Variants in FAT1 observed in about 807,000 individuals in gnomAD.
FAT1 encodes the protein protocadherin Fat 1.
In FAT1, 171 loss-of-function variants were observed where a neutral mutation model predicts 329.8. That is an observed-to-expected ratio of 0.52 (90% CI 0.46 to 0.59). The LOEUF (loss-of-function observed/expected upper bound fraction) is 0.59. Among genes scored for constraint, FAT1 ranks in the 20% least tolerant of loss-of-function variants. FAT1 has a pLI of 0.00. For synonymous variants in FAT1, 2,233 were observed against 2,228.6 expected, an observed-to-expected ratio of 1.00 and a Z score of -0.06; for missense variants, 5,672 against 5,774.4, an observed-to-expected ratio of 0.98 and a Z score of 0.57.
rs2126690749 is a variant in FAT1, at chr4:186,707,704, A to G, written c.2124T>C (p.Ser708=). The G allele has an allele frequency of 6.2e-7, 1 of 1,613,966 alleles. No homozygotes were observed. The highest frequency in any genetic ancestry group is 8.5e-7 in the Non-Finnish European group (1 of 1,179,890). ...TAAACTGCGGTATGTGAGCATTGAC[A>G]GAGTGAGAATCGAAGAAAATATCCT... The part of the protein sequence containing the change: ...EVEDIFFDSH[S]VNAHIPQFRS... Residue 708 remains serine, a synonymous_variant, in exon 2 of 27, where the codon TCT becomes TCC. Coordinates refer to ENST00000441802, the MANE Select transcript of FAT1 (RefSeq NM_005245.4).
At chr4:186,590,115 C>G (rs1471434797) in intron 26 of FAT1, among the ~76,000 whole-genome samples, 1 of 151,044 alleles carries the variant, frequency 6.6e-6, no homozygotes, top group Non-Finnish European at 1.5e-5. Context: ...TATAAAGCAC[C>G]ACTATTTTAA....
chr4:186,661,106 T>G (rs1218960277), intron 3 of FAT1, among the ~76,000 whole-genome samples: 1 of 152,220 alleles, frequency 6.6e-6, no homozygotes, highest in Non-Finnish European at 1.5e-5. Flanking sequence ...ACCTGAGATA[T>G]GACATATACG....
intron 2 of FAT1, among the ~76,000 whole-genome samples, chr4:186,693,626 A>G (rs1419888300): frequency 9.5e-6 from 1 of 104,918 alleles, no homozygotes; most frequent in Admixed American, 8.7e-5. Context: ...CGTGGAAAAC[A>G]GCCAAGGAAA....
chr4:186,657,971 C>T (rs1741982863), intron 3 of FAT1, among the ~76,000 whole-genome samples: 1 of 152,166 alleles, frequency 6.6e-6, no homozygotes. Flanking sequence ...CTGTCCTTGA[C>T]ACACCACAAA....
intron 9 of FAT1, among the ~76,000 whole-genome samples, chr4:186,627,166 G>T (rs1158207082): frequency 1.2e-5 from 1 of 85,376 alleles, no homozygotes; most frequent in Non-Finnish European, 2.4e-5. Flanking sequence ...CCCACAGAAT[G>T]AATGAATGAA....
intron 2 of FAT1, among the ~76,000 whole-genome samples, chr4:186,682,757 G>A (rs1474773651): frequency 6.6e-6 from 1 of 152,214 alleles, no homozygotes; most frequent in African/African-American, 2.4e-5. Context: ...AGGCAGCCCG[G>A]CAGATCAGAG....
intron 2 of FAT1, among the ~76,000 whole-genome samples, chr4:186,685,746 T>C (rs1279900101): frequency 6.6e-6 from 1 of 152,240 alleles, no homozygotes. Flanking sequence ...AAGAGACTCG[T>C]ATTCCCTTCA....
chr4:186,588,475 G>A lies in FAT1; in HGVS notation c.*117C>T. On this transcript the variant is annotated 3_prime_UTR_variant, in exon 27 of 27. Transcript: ENST00000441802. ...GTCCAGAGGCGCAGGATCCAGCGCA[G>A]CCATGCCCATTCGGCTCACCAAAAA... The A allele has an allele frequency of 8.0e-7, 1 of 1,250,882 alleles. No individual in the cohort carries two copies. Among genetic ancestry groups the A allele is most frequent in the East Asian group, 2.5e-5 (1 of 40,452 alleles). 77.5% of individuals were successfully genotyped at this position (1,250,882 alleles called of 1,614,324 possible).
At chr4:186,710,221 C>T (rs1227668102) in intron 1 of FAT1, among the ~76,000 whole-genome samples, 1 of 152,114 alleles carries the variant, frequency 6.6e-6, no homozygotes, top group East Asian at 1.9e-4. Flanking sequence ...ACATTGTTTA[C>T]ATTTACTTAC....
At chr4:186,722,894 CAA>C (rs61515271) in intron 1 of FAT1, among the ~76,000 whole-genome samples, 1 of 145,954 alleles carries the variant, frequency 6.9e-6, no homozygotes, top group African/African-American at 2.5e-5. Context: ...ACAGTTCAGA[CAA>C]AAAAAAAAAC....
chr4:186,678,717 G>A (rs1579435828), intron 2 of FAT1, among the ~76,000 whole-genome samples: 2 of 151,708 alleles, frequency 1.3e-5, no homozygotes, highest in Non-Finnish European at 2.9e-5. Context: ...AGGCTGCGGA[G>A]AAACAGGAAC....
intron 16 of FAT1, among the ~76,000 whole-genome samples, chr4:186,607,238 C>G (rs1190823164): frequency 6.6e-6 from 1 of 152,086 alleles, no homozygotes; most frequent in Non-Finnish European, 1.5e-5. Flanking sequence ...TTCTCATTCC[C>G]AAATCGAAGG....
At chr4:186,642,377 C>T (rs184432364) in intron 3 of FAT1, among the ~76,000 whole-genome samples, 267 of 152,318 alleles carry the variant, frequency 1.8e-3, no homozygotes, top group Admixed American at 3.9e-3. Flanking sequence ...GGAAAACTCA[C>T]GAGGACAGTG....
intron 1 of FAT1, among the ~76,000 whole-genome samples, chr4:186,710,643 ATG>A (rs1744905192): frequency 6.6e-6 from 1 of 152,184 alleles, no homozygotes; most frequent in Non-Finnish European, 1.5e-5. Context: ...AACTATATCA[ATG>A]TTTTATCACC....
At position 186,588,037 on chromosome 4, in the gene FAT1, T is replaced by C. The variant is rs759930862; in HGVS notation, c.*555A>G. ...CATGTATCTGATCTCTCCTTCATCC[T>C]ATGTACAGCTAGAAATGAATGACTA... On this transcript the variant is annotated 3_prime_UTR_variant, in exon 27 of 27. Coordinates refer to ENST00000441802, the MANE Select transcript of FAT1 (RefSeq NM_005245.4). 5.5e-5 allele frequency: 12 copies of C among 217,156 alleles called. 1 individual carries two copies. The highest frequency in any genetic ancestry group is 9.3e-5 in the Non-Finnish European group (10 of 107,904). The allele number at this position is 217,156 out of a possible 1,614,324, so 13.5% of individuals were successfully genotyped here.
At chr4:186,676,085 AG>A (rs1404904490) in intron 2 of FAT1, among the ~76,000 whole-genome samples, 1 of 152,108 alleles carries the variant, frequency 6.6e-6, no homozygotes, top group Non-Finnish European at 1.5e-5. Context: ...GAGGAAAAGA[AG>A]GGCACCTGTT....
upstream of FAT1, among the ~76,000 whole-genome samples, chr4:186,725,389 C>T (rs1053562061): frequency 4.6e-5 from 7 of 151,984 alleles, no homozygotes; most frequent in African/African-American, 1.7e-4. This position sits in a 1 kb window ranked among gnomAD's most constrained non-coding sequence, Gnocchi z 5.4. Context: ...CATTCCCTGA[C>T]GTAAAATCAC....
At chr4:186,662,961 G>C (rs941391556) in intron 3 of FAT1, among the ~76,000 whole-genome samples, 1 of 151,868 alleles carries the variant, frequency 6.6e-6, no homozygotes, top group Non-Finnish European at 1.5e-5. Context: ...CTCAGCCTCT[G>C]GAGTAGCTGG....
rs766127588 is a variant in FAT1, at chr4:186,611,591, C to T, written c.9648G>A (p.Val3216=). The change falls in exon 14 of 27, where the codon GTG becomes GTA. Residue 3216 remains valine, a synonymous_variant. Transcript: ENST00000441802. ...CATTTATGTCAAGAACTGATACAAT[C>T]ACAGTGCCAGTGGCAGTCAGCCTCC... ...LPRRLTATGT[V]IVSVLDINDN... 6.2e-7 allele frequency: 1 copy of T among 1,613,752 alleles called. No individual in the cohort carries two copies. The highest frequency in any genetic ancestry group is 2.2e-5 in the East Asian group (1 of 44,866).
Sources: allele counts gnomAD v4.1 joint callset (sites outside exome capture counted in the v4.1 genomes callset), GRCh38; gene constraint gnomAD v4.1.1; non-coding constraint Gnocchi (gnomAD v3.1); transcripts MANE v1.5; gene names NCBI Gene and HGNC (gene_info 2026-07-23, HGNC 2026-07-21).